GPC5: variants seen among roughly 807,000 people sequenced by gnomAD.
The protein encoded by GPC5 is glypican-5.
Under a neutral mutation model 53.9 loss-of-function variants are expected in GPC5, and 47 were observed. The observed-to-expected ratio is 0.87, with a 90% CI of 0.69 to 1.11. GPC5 has a LOEUF of 1.11. GPC5 is among the 50% of genes most tolerant of loss of function. The pLI is 0.00. For missense variants in GPC5, 748 were observed against 713.1 expected, an observed-to-expected ratio of 1.05 and a Z score of -0.56; for synonymous variants, 286 against 263.3, an observed-to-expected ratio of 1.09 and a Z score of -0.84.
intron 5 of GPC5, among the ~76,000 whole-genome samples, chr13:91,902,143 C>T (rs771294509): frequency 1.3e-5 from 2 of 151,896 alleles, no homozygotes; most frequent in Admixed American, 6.6e-5. Context: ...TGTGTAAGTG[C>T]ACATCAGAAT....
At chr13:92,094,333 G>A (rs1467790968) in intron 6 of GPC5, among the ~76,000 whole-genome samples, 3 of 151,716 alleles carry the variant, frequency 2.0e-5, no homozygotes, top group Non-Finnish European at 2.9e-5. Context: ...TGGCTAACAC[G>A]GTGAAACCAT....
At chr13:92,248,819 C>T (rs942004815) in intron 7 of GPC5, among the ~76,000 whole-genome samples, 5 of 151,908 alleles carry the variant, frequency 3.3e-5, no homozygotes, top group Non-Finnish European at 7.4e-5. Flanking sequence ...TTTGTTTGCT[C>T]GTTTGTGTGT....
chr13:91,524,729 G>T lies in GPC5; in HGVS notation c.325+75807G>T, dbSNP rs542888697. On this transcript the variant is annotated intron_variant, in intron 2 of 7. Coordinates refer to ENST00000377067, the MANE Select transcript of GPC5 (RefSeq NM_004466.6). ...TGCCCCTGACTGATAGGAGCTGAGG[G>T]CCACTCTCAGGTTATAGAGGAGAGA... Among the ~76,000 whole-genome samples the T allele has an allele frequency of 2.0e-5, 3 of 152,190 alleles. No homozygotes were observed. In the East Asian group the frequency reaches 5.8e-4, roughly 29 times the overall value.
intron 7 of GPC5, among the ~76,000 whole-genome samples, chr13:92,253,710 G>T (rs1159684840): frequency 2.0e-5 from 3 of 151,902 alleles, no homozygotes; most frequent in Non-Finnish European, 4.4e-5. Context: ...AATAATATTA[G>T]TTTTATTATG....
chr13:92,771,298 A>G (rs1875606089), intron 7 of GPC5, among the ~76,000 whole-genome samples: 1 of 152,020 alleles, frequency 6.6e-6, no homozygotes, highest in African/African-American at 2.4e-5. Context: ...AAGAAATAGG[A>G]TCTAGACTTC....
intron 7 of GPC5, among the ~76,000 whole-genome samples, chr13:92,390,352 G>A (rs1164736480): frequency 6.6e-6 from 1 of 152,052 alleles, no homozygotes; most frequent in African/African-American, 2.4e-5. Flanking sequence ...CGGTTTGTGG[G>A]CACGTTTTGT....
chr13:92,670,085 T>C (rs1412284769), intron 7 of GPC5, among the ~76,000 whole-genome samples: 3 of 152,210 alleles, frequency 2.0e-5, no homozygotes, highest in African/African-American at 7.2e-5. Context: ...GCACAGTCCT[T>C]AGCATATGGC....
chr13:91,548,314 T>G (rs1397563176), intron 2 of GPC5, among the ~76,000 whole-genome samples: 2 of 152,168 alleles, frequency 1.3e-5, no homozygotes, highest in Non-Finnish European at 2.9e-5. Context: ...CTTTCATATA[T>G]GTCAGCCATG....
Position 91,593,625 on chromosome 13 carries a change from C to A in GPC5, c.326-99562C>A, listed in dbSNP as rs567535358. 2.6e-5 allele frequency among the ~76,000 whole-genome samples: 4 copies of A among 152,226 alleles called. No homozygotes were observed. The East Asian group carries it at 7.7e-4, about 29-fold the overall frequency. On this transcript the variant is annotated intron_variant, in intron 2 of 7. Coordinates refer to ENST00000377067, the MANE Select transcript of GPC5 (RefSeq NM_004466.6). ...GGGCATGGCTGCCTCATAACCTTTACCACACTGACTTACAGATGTTGCTTT... is the reference window on the plus strand; with the variant it reads ...GGGCATGGCTGCCTCATAACCTTTAACACACTGACTTACAGATGTTGCTTT...
intron 1 of GPC5, among the ~76,000 whole-genome samples, chr13:91,427,809 C>A (rs1879159852): frequency 6.6e-6 from 1 of 152,054 alleles, no homozygotes; most frequent in African/African-American, 2.4e-5. Flanking sequence ...GATGGAGAGA[C>A]CTGGGGGGAA....
intron 2 of GPC5, among the ~76,000 whole-genome samples, chr13:91,570,265 T>C (rs915184955): frequency 2.0e-5 from 3 of 152,150 alleles, no homozygotes; most frequent in African/African-American, 7.2e-5. Flanking sequence ...ACAGTGAGCA[T>C]CACAACAGGT....
At chr13:91,685,708 T>G (rs1258963455) in intron 2 of GPC5, among the ~76,000 whole-genome samples, 1 of 152,188 alleles carries the variant, frequency 6.6e-6, no homozygotes, top group Non-Finnish European at 1.5e-5. Context: ...GCTCAAAATA[T>G]ATTGGTTGAA....
rs918865751 is a variant in GPC5, at chr13:92,144,825, A to G, written c.1402-5A>G. ...TAGTAAAGGCCTTTCTTTATGTACA[A>G]TTAGTTGTTACAGGGTAGATCACCC... On this transcript the variant is annotated splice_polypyrimidine_tract_variant and splice_region_variant and intron_variant, in intron 6 of 7. Coordinates refer to ENST00000377067, the MANE Select transcript of GPC5 (RefSeq NM_004466.6). 2 of 1,608,192 alleles carry G rather than the reference A, an allele frequency of 1.2e-6. No homozygotes were observed. The highest frequency in any genetic ancestry group is 1.3e-5 in the African/African-American group (1 of 74,372).
chr13:91,536,316 C>A (rs1431504225), intron 2 of GPC5, among the ~76,000 whole-genome samples: 1 of 152,162 alleles, frequency 6.6e-6, no homozygotes, highest in Non-Finnish European at 1.5e-5. Context: ...CAGGTAAGAA[C>A]AGTGAGCTTT....
At chr13:91,846,443 A>T (rs988043998) in intron 5 of GPC5, among the ~76,000 whole-genome samples, 2 of 152,122 alleles carry the variant, frequency 1.3e-5, no homozygotes, top group African/African-American at 4.8e-5. Context: ...ATGGTTTAGT[A>T]ACTTAGAATT....
intron 7 of GPC5, among the ~76,000 whole-genome samples, chr13:92,499,802 A>G (rs1231790144): frequency 6.6e-6 from 1 of 152,202 alleles, no homozygotes; most frequent in East Asian, 1.9e-4. Context: ...TAATTCACCA[A>G]CATTTCAAAG....
chr13:92,712,032 A>G (rs1398331417), intron 7 of GPC5, among the ~76,000 whole-genome samples: 1 of 151,918 alleles, frequency 6.6e-6, no homozygotes, highest in East Asian at 1.9e-4. Context: ...ACCCCTAACA[A>G]GCAGAAGAAA....
chr13:92,755,906 G>A (rs1874838906), intron 7 of GPC5, among the ~76,000 whole-genome samples: 1 of 148,560 alleles, frequency 6.7e-6, no homozygotes, highest in Admixed American at 6.7e-5. Flanking sequence ...GAGGTACAAG[G>A]AGGAACTGGT....
chr13:92,772,903 TTTATTA>T (rs1206225498), intron 7 of GPC5, among the ~76,000 whole-genome samples: 5 of 152,256 alleles, frequency 3.3e-5, no homozygotes, highest in Non-Finnish European at 5.9e-5. Flanking sequence ...CAATATTTTA[TTTATTA>T]TTATTATTTT....
Sources: allele counts gnomAD v4.1 joint callset (sites outside exome capture counted in the v4.1 genomes callset), GRCh38; gene constraint gnomAD v4.1.1; transcripts MANE v1.5; gene names NCBI Gene and HGNC (gene_info 2026-07-23, HGNC 2026-07-21).